BCAS3: variants seen among roughly 807,000 people sequenced by gnomAD.
BCAS3 encodes the protein BCAS3 microtubule associated cell migration factor.
Under a neutral mutation model 116.1 loss-of-function variants are expected in BCAS3, and 53 were observed. The ratio of observed to expected loss-of-function variants is 0.46; its 90% CI spans 0.37 to 0.57. BCAS3 has a LOEUF of 0.57. BCAS3 is among the 20% of genes least tolerant of loss of function. The pLI is 0.00. For synonymous variants in BCAS3, 391 were observed against 408.2 expected, an observed-to-expected ratio of 0.96 and a Z score of 0.51; for missense variants, 917 against 1,165.4, an observed-to-expected ratio of 0.79 and a Z score of 3.10.
At chr17:61,182,288 T>C (rs890407930) in intron 22 of BCAS3, among the ~76,000 whole-genome samples, 2 of 152,258 alleles carry the variant, frequency 1.3e-5, no homozygotes, top group African/African-American at 4.8e-5. Context: ...GCTAGTTGTT[T>C]ATTAACGGTA....
At position 61,077,512 on chromosome 17, in the gene BCAS3, G is replaced by A. The variant is rs985428178; in HGVS notation, c.2131-821G>A. ...AGTCTGGGCAACAGAGCGAGACTCC[G>A]TCTCAAAAAAAAAATGAAATAAAAT... On this transcript the variant is annotated intron_variant, in intron 20 of 23. Coordinates refer to ENST00000407086, the MANE Select transcript of BCAS3 (RefSeq NM_017679.5). The surrounding 1 kb of genome is among the most constrained non-coding windows in gnomAD (Gnocchi z 4.3). 2.0e-5 allele frequency among the ~76,000 whole-genome samples: 3 copies of A among 151,802 alleles called. No homozygotes were observed. The highest frequency in any genetic ancestry group is 4.2e-4 in the South Asian group (2 of 4,814).
chr17:61,143,936 T>A (rs2143954992), intron 22 of BCAS3, among the ~76,000 whole-genome samples: 1 of 152,338 alleles, frequency 6.6e-6, no homozygotes, highest in African/African-American at 2.4e-5. Flanking sequence ...ATCCTCAGTG[T>A]GAAGCACCAA....
intron 14 of BCAS3, among the ~76,000 whole-genome samples, chr17:60,975,545 G>C (rs921335894): frequency 1.1e-4 from 16 of 152,048 alleles, no homozygotes; most frequent in Admixed American, 9.8e-4. Context: ...GATTTGTTGA[G>C]GTATAATTCA....
intron 22 of BCAS3, among the ~76,000 whole-genome samples, chr17:61,185,327 A>G (rs773167624): frequency 6.6e-6 from 1 of 152,198 alleles, no homozygotes; most frequent in Non-Finnish European, 1.5e-5. Context: ...ATTTGAATGT[A>G]TAAGCCTCTA....
chr17:61,202,059 C>CTTTTTTTTTTTTTTTTTTTTTTTTATTT (rs35961240), intron 22 of BCAS3, among the ~76,000 whole-genome samples: 1 of 70,334 alleles, frequency 1.4e-5, no homozygotes. Flanking sequence ...TGCCCGGCCT[C>CTTTTTTTTTTTTTTTTTTTTTTTTATTT]TTTTTTTTTT....
chr17:60,853,843 C>T (rs2053405489), intron 7 of BCAS3, among the ~76,000 whole-genome samples: 1 of 152,062 alleles, frequency 6.6e-6, no homozygotes, highest in Non-Finnish European at 1.5e-5. Context: ...ATAAACACCT[C>T]ATTCCTTTTT....
At chr17:61,081,964 C>G (rs938209442) in intron 21 of BCAS3, among the ~76,000 whole-genome samples, 2 of 152,130 alleles carry the variant, frequency 1.3e-5, no homozygotes, top group Non-Finnish European at 2.9e-5. Flanking sequence ...CATAGGATAC[C>G]AATAATAATA....
In BCAS3 at chr17:61,104,919, T is replaced by A. The variant is rs1475029560; in HGVS notation, c.2425+20355T>A. 6.6e-6 allele frequency among the ~76,000 whole-genome samples: 1 copy of A among 152,150 alleles called. No individual in the cohort carries two copies. The highest frequency in any genetic ancestry group is 1.9e-4 in the East Asian group (1 of 5,196). On this transcript the variant is annotated intron_variant, in intron 22 of 23. Transcript: ENST00000407086. This position sits in a 1 kb window ranked among gnomAD's most constrained non-coding sequence, Gnocchi z 4.1. ...AGAAGTAAGTAGTGTCTTTTGCTAG[T>A]GTACCAGGTTGTTTAATAAAACTAG...
At position 60,748,126 on chromosome 17, in the gene BCAS3, A is replaced by T. The variant is rs114466665; in HGVS notation, c.403+847A>T. 4.0e-3 allele frequency among the ~76,000 whole-genome samples: 610 copies of T among 152,308 alleles called. 9 individuals are homozygous for T. Among genetic ancestry groups the T allele is most frequent in the East Asian group, 0.017 (87 of 5,190 alleles). ...ATTTTAATTCTATTATATTTTAAAA[A>T]GTTACCAGAAGTGAAAAAAATCTTA... On this transcript the variant is annotated intron_variant, in intron 6 of 23. Transcript: ENST00000407086.
chr17:60,946,484 TATC>T (rs1195839184), intron 13 of BCAS3, among the ~76,000 whole-genome samples: 1 of 152,208 alleles, frequency 6.6e-6, no homozygotes, highest in Non-Finnish European at 1.5e-5. Flanking sequence ...TTTCAATAAA[TATC>T]ATGGTGAATT....
At position 61,054,041 on chromosome 17, in the gene BCAS3, A is replaced by G. The variant is rs563471495; in HGVS notation, c.2029+13149A>G. The stretch of plus-strand genomic sequence containing the variant: ...TCACTGAAAAGATGTCAGATAGCTG[A>G]ATGAAAGTACCATCAGCAATCTGCA... On this transcript the variant is annotated intron_variant, in intron 19 of 23. Coordinates refer to ENST00000407086, the MANE Select transcript of BCAS3 (RefSeq NM_017679.5). 2.0e-5 allele frequency among the ~76,000 whole-genome samples: 3 copies of G among 152,352 alleles called. No homozygotes were observed. In the South Asian group the frequency reaches 6.2e-4, roughly 32 times the overall value.
intron 22 of BCAS3, among the ~76,000 whole-genome samples, chr17:61,340,664 T>C (rs1047181115): frequency 3.3e-5 from 5 of 151,966 alleles, no homozygotes; most frequent in Admixed American, 2.6e-4. Context: ...TTTAACAAGG[T>C]TGTGGTTTCA....
intron 13 of BCAS3, among the ~76,000 whole-genome samples, chr17:60,946,111 CCAT>C (rs1480819143): frequency 1.3e-5 from 2 of 152,120 alleles, no homozygotes; most frequent in African/African-American, 4.8e-5. Flanking sequence ...CAGCGAGACT[CCAT>C]CTCAAAAAGA....
At chr17:61,193,998 T>C (rs2080319060) in intron 22 of BCAS3, among the ~76,000 whole-genome samples, 1 of 151,514 alleles carries the variant, frequency 6.6e-6, no homozygotes, top group South Asian at 2.1e-4. Flanking sequence ...GCACCTGTAA[T>C]CCCAGCTATT....
chr17:60,953,464 T>C lies in BCAS3; in HGVS notation c.1221+6112T>C, dbSNP rs1046754991. 2.0e-5 allele frequency among the ~76,000 whole-genome samples: 3 copies of C among 152,190 alleles called. 1 individual carries two copies. Among genetic ancestry groups the C allele is most frequent in the Non-Finnish European group, 2.9e-5 (2 of 68,042 alleles). On this transcript the variant is annotated intron_variant, in intron 14 of 23. Transcript: ENST00000407086. ...TAAAGTTCTTATAGATGGTGGATAC[T>C]AGACTTTTGTGAGATGCATAGTTTG...
chr17:61,380,685 A>T lies in BCAS3; in HGVS notation c.2594-11292A>T. 2 of 939,526 alleles carry T rather than the reference A, an allele frequency of 2.1e-6. No homozygotes were observed. The highest frequency in any genetic ancestry group is 2.9e-5 in the South Asian group (2 of 69,892). The allele number at this position is 939,526 out of a possible 1,614,324, so 58.2% of individuals were successfully genotyped here. A position where few individuals can be genotyped will look rare whatever the true frequency, so the allele number is the denominator to read the frequency against. The stretch of plus-strand genomic sequence containing the variant: ...GCCCAGGCCCAGGAGCACTCTAGGG[A>T]GGGCAGGGGTCAGCTCAGATGGGAG... On this transcript the variant is annotated intron_variant, in intron 23 of 23. Coordinates refer to ENST00000407086, the MANE Select transcript of BCAS3 (RefSeq NM_017679.5). The surrounding 1 kb of genome is among the most constrained non-coding windows in gnomAD (Gnocchi z 4.2).
intron 9 of BCAS3, among the ~76,000 whole-genome samples, chr17:60,888,543 GTCTAA>G: frequency 6.6e-6 from 1 of 152,076 alleles, no homozygotes; most frequent in African/African-American, 2.4e-5. Flanking sequence ...CTATTCAATG[GTCTAA>G]TCTATTGTGT....
chr17:61,272,928 A>C (rs1215022560), intron 22 of BCAS3, among the ~76,000 whole-genome samples: 1 of 151,758 alleles, frequency 6.6e-6, no homozygotes, highest in African/African-American at 2.4e-5. Flanking sequence ...TAGATCTCCT[A>C]TGCCCTCCTG....
intron 2 of BCAS3, among the ~76,000 whole-genome samples, chr17:60,681,852 C>T (rs1369188279): frequency 6.6e-6 from 1 of 152,158 alleles, no homozygotes; most frequent in Non-Finnish European, 1.5e-5. Flanking sequence ...GCCTCAGCCT[C>T]CCGATTAGCT....
Sources: allele counts gnomAD v4.1 joint callset (sites outside exome capture counted in the v4.1 genomes callset), GRCh38; gene constraint gnomAD v4.1.1; non-coding constraint Gnocchi (gnomAD v3.1); transcripts MANE v1.5; gene names NCBI Gene and HGNC (gene_info 2026-07-23, HGNC 2026-07-21).